Variants in VSTM2B observed in about 807,000 individuals in gnomAD.
The protein encoded by VSTM2B is V-set and transmembrane domain-containing protein 2B.
In VSTM2B, 24 loss-of-function variants were observed where a neutral mutation model predicts 24.0. That is an observed-to-expected ratio of 1.00 (90% CI 0.72 to 1.40). The LOEUF (loss-of-function observed/expected upper bound fraction) is 1.40. Among genes scored for constraint, VSTM2B ranks in the 40% most tolerant of loss-of-function variants. The pLI is 0.00. For synonymous variants in VSTM2B, 226 were observed against 194.4 expected (o/e 1.16, Z -1.35); for missense variants, 399 against 416.4 (o/e 0.96, Z 0.36).
At chr19:29,547,852 G>A (rs549734223) in intron 4 of VSTM2B, among the ~76,000 whole-genome samples, 7 of 152,260 alleles carry the variant, frequency 4.6e-5, no homozygotes, top group African/African-American at 1.7e-4. Context: ...GGGAACCAGA[G>A]CACATGGCTG....
chr19:29,535,476 G>A (rs564047192), intron 4 of VSTM2B, among the ~76,000 whole-genome samples: 3 of 152,254 alleles, frequency 2.0e-5, no homozygotes, highest in East Asian at 1.9e-4. Flanking sequence ...ACAGAGAGCC[G>A]GCTGGATGTG....
chr19:29,535,121 C>G (rs549819245), intron 4 of VSTM2B, among the ~76,000 whole-genome samples: 2 of 152,318 alleles, frequency 1.3e-5, no homozygotes, highest in African/African-American at 4.8e-5. Context: ...ATTAGCAGAG[C>G]AGAGCAGGCG....
Position 29,526,484 on chromosome 19 carries a change from G to C in VSTM2B, c.-100G>C. On this transcript the variant is annotated 5_prime_UTR_variant, in exon 1 of 5. Coordinates refer to ENST00000335523, the MANE Select transcript of VSTM2B (RefSeq NM_001146339.2). This position sits in a 1 kb window ranked among gnomAD's most constrained non-coding sequence, Gnocchi z 4.1. ...GGGGCGCCGCGCGGGGCCATGGCAG[G>C]CTCGGAGGCGTCCTAGCCCGAGCCG... is the stretch of plus-strand genomic sequence containing the variant. The C allele has an allele frequency of 7.4e-6, 6 of 809,474 alleles. No homozygotes were observed. The highest frequency in any genetic ancestry group is 1.0e-5 in the Non-Finnish European group (6 of 597,164). The allele number at this position is 809,474 out of a possible 1,614,324, so 50.1% of individuals were successfully genotyped here.
At chr19:29,559,700 C>T (rs138462536) in intron 4 of VSTM2B, among the ~76,000 whole-genome samples, 53 of 152,224 alleles carry the variant, frequency 3.5e-4, no homozygotes, top group Admixed American at 1.4e-3. Flanking sequence ...GAAGGAAATC[C>T]GCAACCTGAG....
At chr19:29,549,005 A>G (rs1970211535) in intron 4 of VSTM2B, among the ~76,000 whole-genome samples, 1 of 152,190 alleles carries the variant, frequency 6.6e-6, no homozygotes, top group South Asian at 2.1e-4. Context: ...TGCTGGGAAG[A>G]GCAGCCGGCC....
chr19:29,550,705 C>A (rs567963562), intron 4 of VSTM2B, among the ~76,000 whole-genome samples: 5 of 152,106 alleles, frequency 3.3e-5, no homozygotes, highest in African/African-American at 1.2e-4. Flanking sequence ...AGCACTACAG[C>A]GTCAGCCTAT....
chr19:29,557,965 A>C (rs1397720730), intron 4 of VSTM2B, among the ~76,000 whole-genome samples: 1 of 152,202 alleles, frequency 6.6e-6, no homozygotes, highest in Non-Finnish European at 1.5e-5. Flanking sequence ...CAAAGGTCTG[A>C]TATCCAGAAA....
intron 4 of VSTM2B, among the ~76,000 whole-genome samples, chr19:29,551,814 A>G (rs969588606): frequency 6.6e-6 from 1 of 152,204 alleles, no homozygotes; most frequent in African/African-American, 2.4e-5. Flanking sequence ...AACCATTAGC[A>G]TCCAGTCAAT....
At chr19:29,563,739 C>T (rs926708174) in intron 4 of VSTM2B, 107 bp from the exon 5 acceptor site, 17 of 953,590 alleles carry the variant, frequency 1.8e-5, no homozygotes, top group East Asian at 2.6e-5. Flanking sequence ...GGGTGCTAAG[C>T]GTGAGTGGCC....
At chr19:29,533,547 G>A (rs2145471383) in intron 4 of VSTM2B, among the ~76,000 whole-genome samples, 1 of 152,366 alleles carries the variant, frequency 6.6e-6, no homozygotes, top group South Asian at 2.1e-4. Context: ...AAGCTCTCTT[G>A]AGAGTGGTTC....
chr19:29,551,236 C>G (rs1022268260), intron 4 of VSTM2B, among the ~76,000 whole-genome samples: 30 of 152,216 alleles, frequency 2.0e-4, no homozygotes, highest in Admixed American at 1.9e-3. Context: ...CAACCCTTCT[C>G]CCCACTCTCC....
At chr19:29,550,468 A>C (rs1970252722) in intron 4 of VSTM2B, among the ~76,000 whole-genome samples, 1 of 152,168 alleles carries the variant, frequency 6.6e-6, no homozygotes. Flanking sequence ...ATGACAGCAC[A>C]AAATGCAGAA....
chr19:29,526,803 G>A lies in VSTM2B; in HGVS notation c.82+138G>A. Reference sequence around the variant, plus strand: ...CCCGCTGTGCAGCCTGGGCCCGGAGGGGTAGGGAGAGGCGAGCGGCGAAGG... The same window carrying A: ...CCCGCTGTGCAGCCTGGGCCCGGAGAGGTAGGGAGAGGCGAGCGGCGAAGG... On this transcript the variant is annotated intron_variant, in intron 1 of 4. Transcript: ENST00000335523. This position sits in a 1 kb window ranked among gnomAD's most constrained non-coding sequence, Gnocchi z 4.1. 1.3e-6 allele frequency: 1 copy of A among 785,944 alleles called. No homozygotes were observed. Among genetic ancestry groups the A allele is most frequent in the Non-Finnish European group, 1.9e-6 (1 of 528,078 alleles). The allele number at this position is 785,944 out of a possible 1,614,324, so 48.7% of individuals were successfully genotyped here. A position where few individuals can be genotyped will look rare whatever the true frequency, so the allele number is the denominator to read the frequency against.
At chr19:29,533,156 G>C (rs1969799759) in intron 4 of VSTM2B, among the ~76,000 whole-genome samples, 1 of 152,134 alleles carries the variant, frequency 6.6e-6, no homozygotes, top group African/African-American at 2.4e-5. Flanking sequence ...AGGTCCTCAG[G>C]TCAACTCAAT....
chr19:29,530,052 C>G lies in VSTM2B; in HGVS notation c.531C>G (p.Ala177=), dbSNP rs1163988668. The G allele has an allele frequency of 2.6e-6, 4 of 1,517,332 alleles. No homozygotes were observed. Among genetic ancestry groups the G allele is most frequent in the Non-Finnish European group, 3.5e-6 (4 of 1,139,376 alleles). The allele number at this position is 1,517,332 out of a possible 1,614,324, so 94.0% of individuals were successfully genotyped here. Residue 177 remains alanine, a synonymous_variant, in exon 4 of 5, where the codon GCC becomes GCG. Transcript: ENST00000335523. The part of the protein sequence containing the change: ...QSSGPRRHGP[A]SAANANNAGA... ...GCGGCCCGCGTCGCCACGGCCCAGC[C>G]AGCGCCGCCAACGCCAACAACGCGG...
chr19:29,557,925 G>A (rs565992862), intron 4 of VSTM2B, among the ~76,000 whole-genome samples: 1 of 152,150 alleles, frequency 6.6e-6, no homozygotes, highest in Admixed American at 6.5e-5. Flanking sequence ...CCTATAGAAT[G>A]GGAGAAAATT....
intron 4 of VSTM2B, among the ~76,000 whole-genome samples, chr19:29,534,759 G>A (rs1969849136): frequency 6.6e-6 from 1 of 151,862 alleles, no homozygotes; most frequent in Non-Finnish European, 1.5e-5. Flanking sequence ...AAAGAAAGAG[G>A]CTCAGGACAC....
chr19:29,542,798 T>A (rs145202921), intron 4 of VSTM2B, among the ~76,000 whole-genome samples: 1 of 152,122 alleles, frequency 6.6e-6, no homozygotes, highest in Non-Finnish European at 1.5e-5. Context: ...GGATTGGGAT[T>A]GCAGGCATGC....
chr19:29,563,504 A>G (rs1488029454), intron 4 of VSTM2B, among the ~76,000 whole-genome samples: 3 of 152,044 alleles, frequency 2.0e-5, no homozygotes, highest in Non-Finnish European at 4.4e-5. Flanking sequence ...CAGCCTCCCA[A>G]AGTGTTGGGA....
Sources: allele counts gnomAD v4.1 joint callset (sites outside exome capture counted in the v4.1 genomes callset), GRCh38; gene constraint gnomAD v4.1.1; non-coding constraint Gnocchi (gnomAD v3.1); transcripts MANE v1.5; gene names NCBI Gene and HGNC (gene_info 2026-07-23, HGNC 2026-07-21).